The following MAPK4 variants were observed in gnomAD, a reference collection of about 807,000 sequenced individuals.
MAPK4 encodes Erk3-related.
A neutral mutation model predicts 47.7 loss-of-function variants in MAPK4; 22 were observed. That is an observed-to-expected ratio of 0.46 (90% CI 0.33 to 0.66). The LOEUF (loss-of-function observed/expected upper bound fraction) is 0.66. Ranked by LOEUF, MAPK4 falls within the 30% of genes least tolerant of loss-of-function variation. The pLI is 0.02. For missense variants in MAPK4, 736 were observed against 831.7 expected (o/e 0.88, Z 1.42); for synonymous variants, 390 against 365.7 (o/e 1.07, Z -0.76).
rs958306924 is a variant in MAPK4 at position 50,729,754 on chromosome 18, A to G, written c.1664A>G (p.Asp555Gly). The G allele has an allele frequency of 6.2e-7, 1 of 1,609,354 alleles. No homozygotes were observed. The highest frequency in any genetic ancestry group is 1.1e-5 in the South Asian group (1 of 89,688). The change falls in exon 6 of 6, where the codon GAC (aspartate) becomes GGC (glycine). Residue 555 changes from aspartate (D) to glycine (G), a missense_variant. By Grantham distance (94) the Asp-to-Gly change is moderately conservative. Coordinates refer to ENST00000400384, the MANE Select transcript of MAPK4 (RefSeq NM_002747.4). ...CTGAAGCTCTGCACCAAGCCCGAGGACCTGCCGGACAATAAACTGGGCGAC... is the reference window on the plus strand; with the variant it reads ...CTGAAGCTCTGCACCAAGCCCGAGGGCCTGCCGGACAATAAACTGGGCGAC... ...RALKLCTKPE[D>G]LPDNKLGDLN...
chr18:50,691,232 A>C (rs535600608), intron 2 of MAPK4, among the ~76,000 whole-genome samples: 17 of 152,190 alleles, frequency 1.1e-4, no homozygotes, highest in Middle Eastern at 3.4e-3. Flanking sequence ...GATTGCAAGC[A>C]ATCCGCCCGC....
intron 1 of MAPK4, among the ~76,000 whole-genome samples, chr18:50,578,995 A>G (rs901828692): frequency 6.6e-6 from 1 of 152,184 alleles, no homozygotes; most frequent in African/African-American, 2.4e-5. Flanking sequence ...CGCATGGAGA[A>G]CCATACATGG....
At chr18:50,721,628 G>C (rs994921585) in intron 3 of MAPK4, among the ~76,000 whole-genome samples, 7 of 152,368 alleles carry the variant, frequency 4.6e-5, no homozygotes, top group African/African-American at 1.7e-4. Context: ...CCTTGAGCCA[G>C]GCTGTTCCCA....
At chr18:50,640,430 G>A (rs917325892) in intron 1 of MAPK4, among the ~76,000 whole-genome samples, 1 of 151,508 alleles carries the variant, frequency 6.6e-6, no homozygotes, top group Non-Finnish European at 1.5e-5. Flanking sequence ...AAAAGAGCAG[G>A]GATTGTGGCT....
chr18:50,670,756 C>A (rs376216309), intron 2 of MAPK4, among the ~76,000 whole-genome samples: 698 of 104,096 alleles, frequency 6.7e-3, no homozygotes, highest in East Asian at 8.2e-3. Context: ...GACTCCGTCT[C>A]AAAAAAAAAA....
chr18:50,715,491 A>G (rs1910592949), intron 3 of MAPK4, among the ~76,000 whole-genome samples: 1 of 152,218 alleles, frequency 6.6e-6, no homozygotes, highest in African/African-American at 2.4e-5. Flanking sequence ...TTCCCCTAAC[A>G]TTCAAAGGTT....
intron 1 of MAPK4, among the ~76,000 whole-genome samples, chr18:50,577,703 T>C (rs1329001155): frequency 6.6e-6 from 1 of 152,204 alleles, no homozygotes; most frequent in African/African-American, 2.4e-5. Flanking sequence ...TTTCTGGTTC[T>C]TTGGACATTT....
chr18:50,711,824 G>GT (rs35984682), intron 2 of MAPK4, among the ~76,000 whole-genome samples: 11,811 of 140,908 alleles, frequency 0.084, 534 homozygotes, highest in East Asian at 0.23. Context: ...ATTCTTTAAA[G>GT]TTTTTTTTTT....
intron 1 of MAPK4, among the ~76,000 whole-genome samples, chr18:50,642,951 A>G (rs967103438): frequency 1.3e-5 from 2 of 152,220 alleles, no homozygotes; most frequent in African/African-American, 2.4e-5. Flanking sequence ...TTAAAGTGCT[A>G]GTGTTGATTA....
intron 2 of MAPK4, among the ~76,000 whole-genome samples, chr18:50,703,499 CA>C (rs1909895723): frequency 2.0e-5 from 3 of 152,178 alleles, no homozygotes. Flanking sequence ...GTGGGGGAGG[CA>C]GTGCGCCTCC....
intron 4 of MAPK4, among the ~76,000 whole-genome samples, chr18:50,723,721 G>T (rs1272873946): frequency 1.3e-5 from 2 of 152,136 alleles, no homozygotes; most frequent in Non-Finnish European, 2.9e-5. Flanking sequence ...CAAATTAGCT[G>T]GGCATGGTGG....
chr18:50,617,330 G>A (rs758877554), intron 1 of MAPK4, among the ~76,000 whole-genome samples: 9 of 152,162 alleles, frequency 5.9e-5, no homozygotes, highest in Non-Finnish European at 1.2e-4. Flanking sequence ...TTAAATCAAG[G>A]AGGAAAATTA....
At chr18:50,708,128 C>A (rs1027414599) in intron 2 of MAPK4, among the ~76,000 whole-genome samples, 1 of 152,210 alleles carries the variant, frequency 6.6e-6, no homozygotes, top group Non-Finnish European at 1.5e-5. Context: ...TGCTTTCCTG[C>A]AAATAAGTTT....
chr18:50,651,370 G>A (rs1325481570), intron 1 of MAPK4, among the ~76,000 whole-genome samples: 1 of 152,166 alleles, frequency 6.6e-6, no homozygotes, highest in African/African-American at 2.4e-5. Context: ...GTGATCCAGT[G>A]GCCTCCCACG....
intron 1 of MAPK4, among the ~76,000 whole-genome samples, chr18:50,624,778 T>C (rs1340210063): frequency 6.6e-6 from 1 of 152,156 alleles, no homozygotes; most frequent in Non-Finnish European, 1.5e-5. Context: ...GACAGATCTC[T>C]TCTAAGGTAC....
intron 2 of MAPK4, chr18:50,704,711 G>A (rs1909961916): frequency 1.3e-5 from 5 of 398,684 alleles, no homozygotes; most frequent in Non-Finnish European, 2.2e-5. Context: ...TTGGGGCCTG[G>A]AGGCCTAATG....
intron 1 of MAPK4, among the ~76,000 whole-genome samples, chr18:50,620,432 C>T (rs762442347): frequency 1.1e-4 from 17 of 152,182 alleles, no homozygotes; most frequent in South Asian, 2.1e-4. Flanking sequence ...GAAATTCTGA[C>T]GCAGAATCTG....
intron 1 of MAPK4, among the ~76,000 whole-genome samples, chr18:50,625,536 A>T (rs1330951617): frequency 2.0e-5 from 3 of 152,186 alleles, no homozygotes; most frequent in Non-Finnish European, 2.9e-5. Context: ...CACAGATGGC[A>T]GAGGAGGCCA....
chr18:50,560,737 C>T (rs890676646), intron 1 of MAPK4: 1 of 152,394 alleles, frequency 6.6e-6, no homozygotes, highest in African/African-American at 2.4e-5. Context: ...CCTCGCCACC[C>T]GACAGAGGCG....
Sources: allele counts gnomAD v4.1 joint callset (sites outside exome capture counted in the v4.1 genomes callset), GRCh38; gene constraint gnomAD v4.1.1; transcripts MANE v1.5; gene names NCBI Gene and HGNC (gene_info 2026-07-23, HGNC 2026-07-21).